Variants in LMO7 observed in about 807,000 individuals in gnomAD.
The protein encoded by LMO7 is LIM domain only protein 7.
In LMO7, 120 loss-of-function variants were observed where a neutral mutation model predicts 206.5. That is an observed-to-expected ratio of 0.58 (90% CI 0.50 to 0.68). The LOEUF (loss-of-function observed/expected upper bound fraction) is 0.68. Among genes scored for constraint, LMO7 ranks in the 30% least tolerant of loss-of-function variants. The probability of loss-of-function intolerance (pLI) is 0.00; values close to 1 mark genes in which losing one functional copy is unlikely to be tolerated. For missense variants in LMO7, 1,959 were observed against 1,957.9 expected, an observed-to-expected ratio of 1.00 and a Z score of -0.01; for synonymous variants, 706 against 681.5, an observed-to-expected ratio of 1.04 and a Z score of -0.56.
chr13:75,621,445 T>C (rs1393079533), exon 1 of LMO7: 2 of 225,490 alleles, frequency 8.9e-6, no homozygotes. Flanking sequence ...GGAAAACATT[T>C]TTATGTGAAT....
intron 15 of LMO7, among the ~76,000 whole-genome samples, chr13:75,830,792 G>C (rs1324154103): frequency 6.6e-6 from 1 of 152,072 alleles, no homozygotes; most frequent in Non-Finnish European, 1.5e-5. Flanking sequence ...TCCTATATTT[G>C]GTAGAAAAGG....
chr13:75,690,028 T>G (rs1468540830), intron 1 of LMO7, among the ~76,000 whole-genome samples: 1 of 152,082 alleles, frequency 6.6e-6, no homozygotes, highest in Non-Finnish European at 1.5e-5. Context: ...AGAGAACCCT[T>G]TCCGACTAAA....
chr13:75,675,569 A>C (rs2039935232), intron 1 of LMO7, among the ~76,000 whole-genome samples: 1 of 151,910 alleles, frequency 6.6e-6, no homozygotes, highest in Non-Finnish European at 1.5e-5. Context: ...GTTTTGTTCC[A>C]AGAAGAAACT....
intron 1 of LMO7, chr13:75,688,482 T>C (rs2041198721): frequency 6.6e-6 from 1 of 152,266 alleles, no homozygotes; most frequent in African/African-American, 2.4e-5. Context: ...CTGACACATT[T>C]AACACAAGCA....
At chr13:75,695,895 A>G (rs1468209019) in intron 1 of LMO7, among the ~76,000 whole-genome samples, 6 of 152,018 alleles carry the variant, frequency 3.9e-5, no homozygotes, top group Non-Finnish European at 8.8e-5. Flanking sequence ...TAAACTTTGA[A>G]ATGAGCTGTT....
At chr13:75,658,071 T>C (rs79807397) in intron 1 of LMO7, among the ~76,000 whole-genome samples, 4,327 of 152,048 alleles carry the variant, frequency 0.028, 78 homozygotes, top group East Asian at 0.08. Flanking sequence ...TTTTTTTTTT[T>C]CCCCTTCAGT....
At chr13:75,661,416 C>A (rs2038589245) in intron 1 of LMO7, among the ~76,000 whole-genome samples, 1 of 152,182 alleles carries the variant, frequency 6.6e-6, no homozygotes, top group African/African-American at 2.4e-5. Flanking sequence ...TACAGAACTT[C>A]TCTGTGCTTT....
chr13:75,742,359 T>G (rs1288835038), intron 3 of LMO7, among the ~76,000 whole-genome samples: 1 of 152,130 alleles, frequency 6.6e-6, no homozygotes, highest in Non-Finnish European at 1.5e-5. Context: ...AATGACATTC[T>G]TCACAGAACT....
At chr13:75,699,599 A>T (rs4497537) in intron 1 of LMO7, among the ~76,000 whole-genome samples, 6,852 of 149,462 alleles carry the variant, frequency 0.046, 274 homozygotes, top group African/African-American at 0.098. Flanking sequence ...ACACGTCTTT[A>T]TTAGGGGTTT....
In LMO7 at chr13:75,841,823, G is replaced by C. The variant is rs1027720048; in HGVS notation, c.3871G>C (p.Val1291Leu). 1 of 1,614,000 alleles carries C rather than the reference G, an allele frequency of 6.2e-7. No individual in the cohort carries two copies. The highest frequency in any genetic ancestry group is 8.5e-7 in the Non-Finnish European group (1 of 1,180,006). ...AGGAAAGAAGCCGCAGGATCAGCTT[G>C]TTATTGAGAGAGAGAGGAAATGGGA... ...DQGKKPQDQLVIERERKWEQQ... is the reference protein window; with the variant it reads ...DQGKKPQDQLLIERERKWEQQ... The change falls in exon 24 of 31, where the codon GTT becomes CTT. Residue 1291 changes from valine to leucine, a missense_variant. Transcript: ENST00000377534.
intron 1 of LMO7, among the ~76,000 whole-genome samples, chr13:75,685,675 GCT>G (rs1566308811): frequency 6.6e-6 from 1 of 152,022 alleles, no homozygotes; most frequent in Non-Finnish European, 1.5e-5. Context: ...TGAATGCATA[GCT>G]CTCTGAGGCC....
At chr13:75,625,441 GTGTGTGTGTGTGTGCATGTGCA>G (rs891926708) in intron 2 of LMO7, among the ~76,000 whole-genome samples, 16 of 37,160 alleles carry the variant, frequency 4.3e-4, no homozygotes, top group African/African-American at 1.4e-3. Context: ...GTGTGTGTGT[GTGTGTGTGTGTGTGCATGTGCA>G]TGTGTGTGTG....
At chr13:75,689,931 A>G (rs535457021) in intron 1 of LMO7, among the ~76,000 whole-genome samples, 20 of 152,096 alleles carry the variant, frequency 1.3e-4, no homozygotes, top group Non-Finnish European at 2.4e-4. Context: ...TAAACCATAT[A>G]TACATGTCTC....
At chr13:75,737,788 A>AC (rs1224574111) in intron 3 of LMO7, among the ~76,000 whole-genome samples, 6 of 133,288 alleles carry the variant, frequency 4.5e-5, no homozygotes, top group East Asian at 2.1e-4. Flanking sequence ...AAAATAAAAA[A>AC]AAAAAAAAAA....
At chr13:75,842,062 G>A (rs2139253444) in intron 24 of LMO7, 79 bp downstream of exon 24, 2 of 1,040,758 alleles carry the variant, frequency 1.9e-6, no homozygotes, top group Middle Eastern at 3.2e-4. Flanking sequence ...TGCTCTTCCT[G>A]TTTCCTACCA....
At position 75,796,714 on chromosome 13, in the gene LMO7, G is replaced by A. The variant is rs1225692916; in HGVS notation, c.427G>A (p.Ala143Thr). 3 of 1,613,330 alleles carry A rather than the reference G, an allele frequency of 1.9e-6. No homozygotes were observed. The highest frequency in any genetic ancestry group is 2.5e-6 in the Non-Finnish European group (3 of 1,179,448). Residue 143 changes from alanine (A) to threonine (T), a missense_variant, in exon 6 of 31, where the codon GCG becomes ACG. Transcript: ENST00000377534. ...TAATGGTCCCCATCTTAATTTGAAA[G>A]CGTTTGAGAATCTTTTAGGACAAGC... Reference protein sequence around the residue: ...YYNGPHLNLKAFENLLGQALT... With the variant: ...YYNGPHLNLKTFENLLGQALT...
chr13:75,817,193 AT>A lies in LMO7; in HGVS notation c.1980del (p.Asp660GlufsTer16). ...SKSMSDVSAE[D>X]VQNLRQLRYE... ...TCCATGAGTGATGTCAGCGCAGAAG[AT>A]GTTCAAAACTTGCGTCAGCTGCGTT... On this transcript the variant is annotated frameshift_variant, in exon 12 of 31. Transcript: ENST00000377534. LOFTEE classifies it high-confidence loss of function. 1 of 1,613,754 alleles carries A rather than the reference AT, an allele frequency of 6.2e-7. No individual in the cohort carries two copies. Among genetic ancestry groups the A allele is most frequent in the Non-Finnish European group, 8.5e-7 (1 of 1,179,698 alleles).
rs570811057 is a variant in LMO7 at position 75,826,939 on chromosome 13, A to G, written c.2949+3066A>G. Among the ~76,000 whole-genome samples, 7 of 152,160 alleles carry G rather than the reference A, an allele frequency of 4.6e-5. No individual in the cohort carries two copies. In the South Asian group the frequency reaches 8.3e-4, roughly 18 times the overall value. On this transcript the variant is annotated intron_variant, in intron 15 of 30. Transcript: ENST00000377534. Reference sequence around the variant, plus strand: ...TTTTGGAGCACATCACTGCTCCCCCATTTGAAGATGCTTATTTCCCACATC... The same window carrying G: ...TTTTGGAGCACATCACTGCTCCCCCGTTTGAAGATGCTTATTTCCCACATC...
intron 1 of LMO7, among the ~76,000 whole-genome samples, chr13:75,682,226 C>T (rs1293737685): frequency 6.6e-6 from 1 of 152,120 alleles, no homozygotes; most frequent in Non-Finnish European, 1.5e-5. Flanking sequence ...TGGTTTTAAT[C>T]TGCATTTACC....
Sources: gnomAD v4.1 joint callset for allele counts (sites outside exome capture counted in the v4.1 genomes callset) on GRCh38, gnomAD v4.1.1 for gene constraint, MANE v1.5 for transcripts, NCBI Gene and HGNC (gene_info 2026-07-23, HGNC 2026-07-21) for gene names.